Variants in RPH3AL observed in about 807,000 individuals in gnomAD.
RPH3AL encodes rab effector Noc2.
A neutral mutation model predicts 43.1 loss-of-function variants in RPH3AL; 38 were observed. The ratio of observed to expected loss-of-function variants is 0.88; its 90% confidence interval spans 0.68 to 1.15. RPH3AL has a LOEUF of 1.15. Ranked by LOEUF, RPH3AL falls within the 50% of genes most tolerant of loss-of-function variation. The pLI, the probability that RPH3AL is intolerant of heterozygous loss-of-function variation, is 0.00. For synonymous variants in RPH3AL, 189 were observed against 176.3 expected (o/e 1.07, Z -0.57); for missense variants, 462 against 423.2 (o/e 1.09, Z -0.81).
intron 6 of RPH3AL, among the ~76,000 whole-genome samples, chr17:275,464 G>GAACT (rs1361821150): frequency 2.0e-5 from 3 of 152,038 alleles, no homozygotes; most frequent in African/African-American, 7.2e-5. Context: ...AACACAAGCA[G>GAACT]AACTAAGCAT....
intron 1 of RPH3AL, among the ~76,000 whole-genome samples, chr17:347,714 C>G (rs1462990733): frequency 6.6e-6 from 1 of 152,184 alleles, no homozygotes; most frequent in Non-Finnish European, 1.5e-5. Flanking sequence ...ATAAACTGAA[C>G]AGTTATCTCT....
intron 7 of RPH3AL, among the ~76,000 whole-genome samples, chr17:236,955 C>G (rs997843473): frequency 6.6e-6 from 1 of 152,254 alleles, no homozygotes; most frequent in African/African-American, 2.4e-5. Flanking sequence ...CCCTCCTCAT[C>G]CATCATCGAC....
At chr17:344,785 T>C (rs1322651017) in intron 1 of RPH3AL, among the ~76,000 whole-genome samples, 1 of 135,900 alleles carries the variant, frequency 7.4e-6, no homozygotes, top group African/African-American at 2.5e-5. Flanking sequence ...CATCATCATA[T>C]TCACCTCCAT....
intron 7 of RPH3AL, among the ~76,000 whole-genome samples, chr17:238,676 G>A (rs2041459506): frequency 6.6e-6 from 1 of 152,194 alleles, no homozygotes; most frequent in South Asian, 2.1e-4. Flanking sequence ...CGTATTTTAT[G>A]AGAAAAAGAT....
At position 283,185 on chromosome 17, in the gene RPH3AL, G is replaced by T. The variant is rs993494694; in HGVS notation, c.352-1331C>A. On this transcript the variant is annotated intron_variant, in intron 5 of 9. Transcript: ENST00000331302. This position sits in a 1 kb window ranked among gnomAD's most constrained non-coding sequence, Gnocchi z 4.2. ...CTCTGCAGCCCCCCGCCGAGGGAAGGTTGCATCTGTTGCTTGGCCTTTTCT... is the reference window on the plus strand; with the variant it reads ...CTCTGCAGCCCCCCGCCGAGGGAAGTTTGCATCTGTTGCTTGGCCTTTTCT... Among the ~76,000 whole-genome samples, 13 of 152,188 alleles carry T rather than the reference G, an allele frequency of 8.5e-5. No homozygotes were observed. The highest frequency in any genetic ancestry group is 2.4e-4 in the African/African-American group (10 of 41,452).
At chr17:343,275 C>T (rs1251359579) in intron 1 of RPH3AL, among the ~76,000 whole-genome samples, 1 of 152,196 alleles carries the variant, frequency 6.6e-6, no homozygotes, top group African/African-American at 2.4e-5. Context: ...GCTGTGGAGT[C>T]AGTCTCTACG....
chr17:233,791 G>A (rs920816022), intron 7 of RPH3AL, among the ~76,000 whole-genome samples: 1 of 152,138 alleles, frequency 6.6e-6, no homozygotes, highest in Non-Finnish European at 1.5e-5. Flanking sequence ...AACAGGGCCG[G>A]GTGGGGACTG....
intron 5 of RPH3AL, among the ~76,000 whole-genome samples, chr17:288,163 T>A (rs867499708): frequency 0.012 from 10 of 846 alleles, no homozygotes; most frequent in African/African-American, 0.013. Flanking sequence ...CAGACCTCAC[T>A]CCCTCTCTCC....
At chr17:243,334 G>A (rs1200419685) in intron 7 of RPH3AL, among the ~76,000 whole-genome samples, 1 of 63,966 alleles carries the variant, frequency 1.6e-5, no homozygotes, top group Non-Finnish European at 3.2e-5. Flanking sequence ...TCTACTGATT[G>A]CCCCTCCTCT....
At chr17:241,841 CAT>C (rs1484861446) in intron 7 of RPH3AL, among the ~76,000 whole-genome samples, 1 of 150,588 alleles carries the variant, frequency 6.6e-6, no homozygotes, top group African/African-American at 2.4e-5. Flanking sequence ...AAAGGACTGG[CAT>C]GGTGGCTCAT....
intron 1 of RPH3AL, among the ~76,000 whole-genome samples, chr17:337,939 C>T (rs73286631): frequency 0.023 from 3,568 of 152,296 alleles, 147 homozygotes; most frequent in African/African-American, 0.081. Flanking sequence ...CTTCATCTGA[C>T]GCTGTTCTCA....
chr17:219,832 C>G (rs185367005), intron 7 of RPH3AL, 96 bp from the exon 8 acceptor site: 1 of 870,196 alleles, frequency 1.1e-6, no homozygotes, highest in Non-Finnish European at 1.9e-6. Context: ...CAGCTCATTA[C>G]CACGTGGCGT....
intron 1 of RPH3AL, among the ~76,000 whole-genome samples, chr17:351,392 A>T (rs1300004215): frequency 1.3e-5 from 2 of 152,114 alleles, no homozygotes; most frequent in Non-Finnish European, 2.9e-5. Flanking sequence ...ACACCCTGAG[A>T]CTGACGGTCC....
intron 6 of RPH3AL, among the ~76,000 whole-genome samples, chr17:279,818 G>A (rs1224178372): frequency 2.6e-5 from 4 of 152,190 alleles, no homozygotes; most frequent in African/African-American, 9.7e-5. Flanking sequence ...AGGTTCAAAG[G>A]GGAGATTTCT....
chr17:327,615 CA>C, intron 2 of RPH3AL, 36 bp from the exon 3 acceptor site: 1 of 1,425,300 alleles, frequency 7.0e-7, no homozygotes. Context: ...GAGTGTGCAT[CA>C]TTGGCTGGGG....
At chr17:247,496 T>C in intron 6 of RPH3AL, 1 of 529,628 alleles carries the variant, frequency 1.9e-6, no homozygotes, top group Non-Finnish European at 3.3e-6. Context: ...TTTCTCTCCC[T>C]TATTTTAGAG....
chr17:316,645 C>T (rs2044219917), intron 5 of RPH3AL, among the ~76,000 whole-genome samples: 3 of 143,344 alleles, frequency 2.1e-5, no homozygotes, highest in South Asian at 4.5e-4. Context: ...CTCCATTGAC[C>T]TGCAGTGCCT....
intron 6 of RPH3AL, among the ~76,000 whole-genome samples, chr17:277,429 G>A (rs2151600231): frequency 6.6e-6 from 1 of 152,290 alleles, no homozygotes; most frequent in South Asian, 2.1e-4. Context: ...AGAGTAAAAT[G>A]TAGAGAGTAG....
chr17:320,384 C>T (rs1329927370), intron 4 of RPH3AL, among the ~76,000 whole-genome samples: 1 of 152,100 alleles, frequency 6.6e-6, no homozygotes, highest in African/African-American at 2.4e-5. Context: ...GCCTGACATC[C>T]CAGCCCTTTG....
Sources: gnomAD v4.1 joint callset for allele counts (sites outside exome capture counted in the v4.1 genomes callset) on GRCh38, gnomAD v4.1.1 for gene constraint, Gnocchi (gnomAD v3.1) non-coding constraint, MANE v1.5 for transcripts, NCBI Gene and HGNC (gene_info 2026-07-23, HGNC 2026-07-21) for gene names.